Variants in ATRNL1 observed in about 807,000 individuals in gnomAD.
The protein encoded by ATRNL1 is attractin-like protein 1.
Under a neutral mutation model 182.7 loss-of-function variants are expected in ATRNL1, and 95 were observed. The observed-to-expected ratio is 0.52, with a 90% CI of 0.44 to 0.62. The LOEUF is 0.62. Among genes scored for constraint, ATRNL1 ranks in the 20% least tolerant of loss-of-function variants. The pLI is 0.00. For synonymous variants in ATRNL1, 576 were observed against 568.3 expected, an observed-to-expected ratio of 1.01 and a Z score of -0.19; for missense variants, 1,471 against 1,679.5, an observed-to-expected ratio of 0.88 and a Z score of 2.17.
In ATRNL1 at chr10:115,328,518, A is replaced by T. The variant is rs902834502; in HGVS notation, c.3038-5764A>T. The stretch of plus-strand genomic sequence containing the variant: ...TACTACTGTTCTTGTACTCTATTGC[A>T]TCATAGGTATTCCTCCTATGTGTAA... On this transcript the variant is annotated intron_variant, in intron 18 of 28. Transcript: ENST00000355044. Among the ~76,000 whole-genome samples the T allele has an allele frequency of 2.0e-5, 3 of 152,110 alleles. No individual in the cohort carries two copies. In the East Asian group the frequency reaches 5.8e-4, roughly 29 times the overall value.
chr10:115,120,080 A>G (rs1844659924), intron 1 of ATRNL1, 105 bp from the exon 2 acceptor site: 1 of 656,250 alleles, frequency 1.5e-6, no homozygotes, highest in Non-Finnish European at 2.6e-6. Flanking sequence ...GAAAATTGTT[A>G]TGTCCCGTTC....
At chr10:115,772,593 C>CTCTGTGTGTGTGTGTG (rs1555076680) in intron 27 of ATRNL1, among the ~76,000 whole-genome samples, 46 of 125,666 alleles carry the variant, frequency 3.7e-4, no homozygotes, top group African/African-American at 1.4e-3. Flanking sequence ...AATATATACT[C>CTCTGTGTGTGTGTGTG]TGTCTGTGTG....
chr10:115,871,499 A>ATATATATATATATATATATATC (rs1951585597), intron 28 of ATRNL1, among the ~76,000 whole-genome samples: 1 of 147,198 alleles, frequency 6.8e-6, no homozygotes, highest in Non-Finnish European at 1.5e-5. Flanking sequence ...ATATATATAT[A>ATATATATATATATATATATATC]TATATGACTT....
chr10:115,459,245 G>A (rs1232475141), intron 21 of ATRNL1, among the ~76,000 whole-genome samples: 1 of 152,048 alleles, frequency 6.6e-6, no homozygotes, highest in Non-Finnish European at 1.5e-5. Context: ...TGGGCACCCT[G>A]AAAAAAGAAC....
chr10:115,722,755 G>A (rs1947469527), intron 26 of ATRNL1, among the ~76,000 whole-genome samples: 1 of 152,000 alleles, frequency 6.6e-6, no homozygotes, highest in Non-Finnish European at 1.5e-5. Flanking sequence ...CTTTATGGCA[G>A]TTTTTTTCTA....
chr10:115,288,976 G>A (rs1852762676), intron 15 of ATRNL1, among the ~76,000 whole-genome samples: 1 of 152,082 alleles, frequency 6.6e-6, no homozygotes, highest in African/African-American at 2.4e-5. Flanking sequence ...TCTCCTATTA[G>A]TCTGTTTTCA....
intron 26 of ATRNL1, among the ~76,000 whole-genome samples, chr10:115,716,287 T>G (rs1555056270): frequency 4.6e-5 from 7 of 152,100 alleles, no homozygotes; most frequent in Non-Finnish European, 1.0e-4. Flanking sequence ...GAACTGAAAA[T>G]GACTCCATTA....
intron 24 of ATRNL1, among the ~76,000 whole-genome samples, chr10:115,516,496 C>T (rs2133692512): frequency 6.6e-6 from 1 of 151,918 alleles, no homozygotes; most frequent in South Asian, 2.1e-4. Flanking sequence ...TTCTGGATTT[C>T]CCCAATTATT....
chr10:115,868,273 A>G (rs1393682907), intron 28 of ATRNL1, among the ~76,000 whole-genome samples: 1 of 152,008 alleles, frequency 6.6e-6, no homozygotes, highest in Non-Finnish European at 1.5e-5. Context: ...ATTACCATCT[A>G]TTATTGCCAT....
intron 17 of ATRNL1, among the ~76,000 whole-genome samples, chr10:115,304,882 G>A (rs547611492): frequency 6.6e-5 from 10 of 152,214 alleles, no homozygotes; most frequent in Admixed American, 3.9e-4. Context: ...AAAGGTTGCC[G>A]GCTTGGCTCT....
chr10:115,673,800 T>C (rs532716374), intron 26 of ATRNL1, among the ~76,000 whole-genome samples: 1 of 152,178 alleles, frequency 6.6e-6, no homozygotes, highest in African/African-American at 2.4e-5. Context: ...CCAACTCATT[T>C]ATAACCATTG....
chr10:115,502,274 GT>G (rs371494904), intron 24 of ATRNL1, among the ~76,000 whole-genome samples: 4,074 of 151,612 alleles, frequency 0.027, 213 homozygotes, highest in African/African-American at 0.094. Flanking sequence ...GCCAAATTAT[GT>G]TTTTTTTGGA....
At chr10:115,919,337 G>T (rs782390203) in intron 28 of ATRNL1, among the ~76,000 whole-genome samples, 1 of 152,254 alleles carries the variant, frequency 6.6e-6, no homozygotes, top group Non-Finnish European at 1.5e-5. Flanking sequence ...AGTAAGAAAC[G>T]GCGTGTTCAC....
intron 28 of ATRNL1, among the ~76,000 whole-genome samples, chr10:115,866,519 C>G (rs1951443136): frequency 6.6e-6 from 1 of 152,082 alleles, no homozygotes. Context: ...GACAAATTAG[C>G]AAAATCAAAG....
At chr10:115,263,943 A>G (rs1237011481) in intron 10 of ATRNL1, among the ~76,000 whole-genome samples, 1 of 151,742 alleles carries the variant, frequency 6.6e-6, no homozygotes, top group African/African-American at 2.4e-5. Context: ...TTTTGAGAAT[A>G]TTTAATAGGC....
intron 1 of ATRNL1, among the ~76,000 whole-genome samples, chr10:115,103,400 T>G (rs1429220105): frequency 6.6e-6 from 1 of 152,172 alleles, no homozygotes; most frequent in African/African-American, 2.4e-5. Context: ...GTTGGTAGTA[T>G]TTCTTTTAAT....
intron 28 of ATRNL1, among the ~76,000 whole-genome samples, chr10:115,874,548 T>C (rs563179211): frequency 6.6e-6 from 1 of 152,294 alleles, no homozygotes; most frequent in South Asian, 2.1e-4. Context: ...ATTTAGATAA[T>C]CACTTCTCTG....
intron 27 of ATRNL1, among the ~76,000 whole-genome samples, chr10:115,826,792 G>A (rs1555092143): frequency 6.6e-6 from 1 of 151,976 alleles, no homozygotes; most frequent in Non-Finnish European, 1.5e-5. Flanking sequence ...TCTTAGAAAA[G>A]GCAACATTCG....
chr10:115,525,384 T>G (rs1484195758), intron 25 of ATRNL1, among the ~76,000 whole-genome samples: 1 of 152,228 alleles, frequency 6.6e-6, no homozygotes, highest in Non-Finnish European at 1.5e-5. Flanking sequence ...TGTCGTCTAT[T>G]ACATTGGGTC....
Sources: allele counts gnomAD v4.1 joint callset (sites outside exome capture counted in the v4.1 genomes callset), GRCh38; gene constraint gnomAD v4.1.1; transcripts MANE v1.5; gene names NCBI Gene and HGNC (gene_info 2026-07-23, HGNC 2026-07-21).